Variants in CDC42BPA observed in about 807,000 individuals in gnomAD.
CDC42BPA encodes CDC42 binding protein kinase alpha.
CDC42BPA carries 80 observed loss-of-function variants against 223.5 expected under a neutral mutation model. The observed-to-expected ratio is 0.36, with a 90% CI of 0.30 to 0.43. The LOEUF is 0.43. Ranked by LOEUF, CDC42BPA falls within the 20% of genes least tolerant of loss-of-function variation. CDC42BPA has a pLI of 1.00. For synonymous variants in CDC42BPA, 694 were observed against 718.6 expected (o/e 0.97, Z 0.55); for missense variants, 1,743 against 2,099.9 (o/e 0.83, Z 3.32).
At chr1:227,199,112 A>T (rs1671288613) in intron 4 of CDC42BPA, among the ~76,000 whole-genome samples, 1 of 152,230 alleles carries the variant, frequency 6.6e-6, no homozygotes, top group Non-Finnish European at 1.5e-5. Flanking sequence ...TTATGTAATA[A>T]AAATAATTTA....
chr1:227,253,631 C>CATAT (rs1558877873), intron 2 of CDC42BPA, among the ~76,000 whole-genome samples: 1 of 150,768 alleles, frequency 6.6e-6, no homozygotes, highest in African/African-American at 2.5e-5. Context: ...TACATACATA[C>CATAT]ATACATACAT....
intron 12 of CDC42BPA, among the ~76,000 whole-genome samples, chr1:227,115,855 C>CA (rs918925122): frequency 1.4e-5 from 2 of 139,604 alleles, no homozygotes; most frequent in Non-Finnish European, 1.6e-5. Flanking sequence ...ATCTGAATAT[C>CA]AAAAAAAAGA....
At chr1:227,185,076 A>C (rs913684313) in intron 5 of CDC42BPA, among the ~76,000 whole-genome samples, 2 of 152,156 alleles carry the variant, frequency 1.3e-5, no homozygotes, top group Admixed American at 6.5e-5. Flanking sequence ...CAATAAAATA[A>C]CAAGCTGTTA....
chr1:227,177,059 C>T (rs1372349663), intron 5 of CDC42BPA, among the ~76,000 whole-genome samples: 1 of 147,508 alleles, frequency 6.8e-6, no homozygotes, highest in Non-Finnish European at 1.5e-5. Flanking sequence ...CTGTCATATA[C>T]ATTATGTATT....
chr1:227,119,344 T>C (rs571646690), intron 12 of CDC42BPA, among the ~76,000 whole-genome samples: 1 of 152,220 alleles, frequency 6.6e-6, no homozygotes, highest in Admixed American at 6.5e-5. Context: ...AAAATAACTT[T>C]AGCTTATTTA....
At chr1:227,210,327 T>G (rs1426520089) in intron 3 of CDC42BPA, among the ~76,000 whole-genome samples, 1 of 152,196 alleles carries the variant, frequency 6.6e-6, no homozygotes, top group Non-Finnish European at 1.5e-5. Context: ...TCTATCAGCA[T>G]AATACTGACC....
At chr1:227,225,456 CAAAT>C (rs748703244) in intron 2 of CDC42BPA, among the ~76,000 whole-genome samples, 9 of 152,054 alleles carry the variant, frequency 5.9e-5, no homozygotes, top group Non-Finnish European at 1.3e-4. Context: ...GGGAATAAAA[CAAAT>C]AAGAGAAATT....
intron 1 of CDC42BPA, among the ~76,000 whole-genome samples, chr1:227,291,643 G>A (rs11801500): frequency 0.16 from 23,939 of 151,988 alleles, 2,176 homozygotes; most frequent in East Asian, 0.37. Context: ...TAATACTATA[G>A]AGCCACTAAA....
intron 2 of CDC42BPA, among the ~76,000 whole-genome samples, chr1:227,246,929 G>A (rs1035291844): frequency 1.3e-5 from 2 of 152,192 alleles, no homozygotes; most frequent in African/African-American, 2.4e-5. Context: ...GGCCAAGCAC[G>A]GTGGCTCACA....
chr1:227,275,891 C>T (rs1207037541), intron 1 of CDC42BPA, among the ~76,000 whole-genome samples: 1 of 152,178 alleles, frequency 6.6e-6, no homozygotes, highest in African/African-American at 2.4e-5. Context: ...GACGGAGTCT[C>T]GCTCACTCAG....
chr1:227,174,364 G>T (rs1490241313), intron 5 of CDC42BPA, among the ~76,000 whole-genome samples: 1 of 152,088 alleles, frequency 6.6e-6, no homozygotes, highest in African/African-American at 2.4e-5. Context: ...TAAAAGTAAT[G>T]ATTTTACACA....
At chr1:227,095,854 A>G (rs1558486471) in intron 15 of CDC42BPA, among the ~76,000 whole-genome samples, 1 of 152,158 alleles carries the variant, frequency 6.6e-6, no homozygotes, top group Non-Finnish European at 1.5e-5. Context: ...AGCCTCCCAA[A>G]GTGCTCAGAT....
chr1:227,076,258 CTTAT>C (rs1260115616), intron 17 of CDC42BPA, among the ~76,000 whole-genome samples: 4 of 151,956 alleles, frequency 2.6e-5, no homozygotes, highest in Non-Finnish European at 2.9e-5. Context: ...ATCTTTCTCT[CTTAT>C]TTATTTATTT....
At chr1:227,172,504 T>C (rs1432879688) in intron 5 of CDC42BPA, among the ~76,000 whole-genome samples, 2 of 152,106 alleles carry the variant, frequency 1.3e-5, no homozygotes, top group African/African-American at 2.4e-5. Flanking sequence ...GAAAGACTAC[T>C]ATGAAATTCA....
chr1:227,277,608 TCAC>T (rs1438483291), intron 1 of CDC42BPA, among the ~76,000 whole-genome samples: 1 of 152,218 alleles, frequency 6.6e-6, no homozygotes, highest in Non-Finnish European at 1.5e-5. Flanking sequence ...TCAATGTTAA[TCAC>T]CACATAATGG....
chr1:227,260,548 A>G (rs1683856359), intron 1 of CDC42BPA, among the ~76,000 whole-genome samples: 1 of 135,502 alleles, frequency 7.4e-6, no homozygotes, highest in East Asian at 2.3e-4. Flanking sequence ...GATAGCTACC[A>G]TGGTGTCAGA....
At chr1:227,172,716 T>C (rs748499182) in intron 5 of CDC42BPA, among the ~76,000 whole-genome samples, 1 of 152,078 alleles carries the variant, frequency 6.6e-6, no homozygotes, top group Non-Finnish European at 1.5e-5. Context: ...TGTACTACCT[T>C]TGCAATTTCC....
intron 11 of CDC42BPA, among the ~76,000 whole-genome samples, chr1:227,126,480 GAA>G (rs1689630064): frequency 1.3e-5 from 1 of 77,068 alleles, no homozygotes; most frequent in African/African-American, 5.9e-5. Context: ...AGGAAGGAAG[GAA>G]GGAAGGAAGG....
At chr1:227,033,223 G>T in intron 27 of CDC42BPA, 111 bp downstream of exon 27, 2 of 652,374 alleles carry the variant, frequency 3.1e-6, no homozygotes, top group South Asian at 2.0e-5. Context: ...ATATATAAAA[G>T]AATATAAGAT....
Sources: gnomAD v4.1 joint callset for allele counts (sites outside exome capture counted in the v4.1 genomes callset) on GRCh38, gnomAD v4.1.1 for gene constraint, MANE v1.5 for transcripts, NCBI Gene and HGNC (gene_info 2026-07-23, HGNC 2026-07-21) for gene names.